The following RABGAP1L variants were observed in gnomAD, a reference collection of about 807,000 sequenced individuals.
The protein encoded by RABGAP1L is rab GTPase-activating protein 1-like.
A neutral mutation model predicts 137.7 loss-of-function variants in RABGAP1L; 63 were observed. The ratio of observed to expected loss-of-function variants is 0.46; its 90% CI spans 0.37 to 0.56. RABGAP1L has a LOEUF of 0.56. RABGAP1L is among the 20% of genes least tolerant of loss of function. The pLI is 0.00. For missense variants in RABGAP1L, 1,095 were observed against 1,244.0 expected (o/e 0.88, Z 1.80); for synonymous variants, 431 against 433.7 (o/e 0.99, Z 0.08).
rs1343949847 is a variant in RABGAP1L, at chr1:174,622,465, C to T, written c.1711-14910C>T. The stretch of plus-strand genomic sequence containing the variant: ...ACTTGGAACCAACCCAAATGTCCAA[C>T]AATGATAGACTGGATTAAGAAAATG... On this transcript the variant is annotated intron_variant, in intron 13 of 25. Transcript: ENST00000681986. Among the ~76,000 whole-genome samples, 5 of 152,274 alleles carry T rather than the reference C, an allele frequency of 3.3e-5. No individual in the cohort carries two copies. The South Asian group carries it at 6.2e-4, about 19-fold the overall frequency.
chr1:174,699,981 A>C (rs1235572905), intron 16 of RABGAP1L, among the ~76,000 whole-genome samples: 1 of 152,208 alleles, frequency 6.6e-6, no homozygotes, highest in East Asian at 1.9e-4. Flanking sequence ...AATACCTAAG[A>C]GCTTTCTGCA....
intron 13 of RABGAP1L, among the ~76,000 whole-genome samples, chr1:174,485,971 A>G (rs1342142482): frequency 6.6e-6 from 1 of 152,024 alleles, no homozygotes; most frequent in African/African-American, 2.4e-5. Context: ...CAGGTCCTGG[A>G]CTTTTCTTTG....
At position 174,268,292 on chromosome 1, in the gene RABGAP1L, C is replaced by T. The variant is rs561094878; in HGVS notation, c.987-4122C>T. ...TCGGCTCACTGTAAGCTCTGCCTCC[C>T]GGGTTCACGCCATTCTCCTGCCTCA... is the stretch of plus-strand genomic sequence containing the variant. On this transcript the variant is annotated intron_variant, in intron 7 of 25. Transcript: ENST00000681986. 5.9e-5 allele frequency among the ~76,000 whole-genome samples: 9 copies of T among 151,582 alleles called. No individual in the cohort carries two copies. The East Asian group carries it at 1.2e-3, about 20-fold the overall frequency.
At chr1:174,188,064 A>AT (rs762778829) in intron 1 of RABGAP1L, among the ~76,000 whole-genome samples, 1 of 152,180 alleles carries the variant, frequency 6.6e-6, no homozygotes, top group Non-Finnish European at 1.5e-5. Context: ...ATGACCAGAA[A>AT]TTCTCTGATA....
At chr1:174,268,326 G>A (rs1674255390) in intron 7 of RABGAP1L, among the ~76,000 whole-genome samples, 1 of 150,710 alleles carries the variant, frequency 6.6e-6, no homozygotes, top group Admixed American at 6.6e-5. Context: ...CAGCCTCCTC[G>A]GTAGCTGGGA....
intron 12 of RABGAP1L, among the ~76,000 whole-genome samples, chr1:174,391,020 A>G (rs930589111): frequency 6.6e-5 from 10 of 152,190 alleles, no homozygotes; most frequent in Non-Finnish European, 1.2e-4. Flanking sequence ...GCAATCAACA[A>G]TGGAGTTTGT....
intron 11 of RABGAP1L, among the ~76,000 whole-genome samples, chr1:174,333,467 GTAAAA>G (rs1558140899): frequency 1.3e-5 from 2 of 152,242 alleles, no homozygotes; most frequent in South Asian, 4.1e-4. Flanking sequence ...ACAAAAATAA[GTAAAA>G]TAAAAATGCG....
chr1:174,724,165 A>G (rs1385327738), intron 17 of RABGAP1L, among the ~76,000 whole-genome samples: 1 of 152,216 alleles, frequency 6.6e-6, no homozygotes, highest in Admixed American at 6.5e-5. Flanking sequence ...GAGGGATCAT[A>G]TATAGTTAAA....
At chr1:174,241,123 T>C (rs1276176284) in intron 4 of RABGAP1L, among the ~76,000 whole-genome samples, 1 of 152,080 alleles carries the variant, frequency 6.6e-6, no homozygotes, top group Non-Finnish European at 1.5e-5. Context: ...AGTTCAAGGC[T>C]AGCCTGGCTA....
chr1:174,452,083 T>G (rs1042138773), intron 13 of RABGAP1L, among the ~76,000 whole-genome samples: 1 of 152,198 alleles, frequency 6.6e-6, no homozygotes, highest in African/African-American at 2.4e-5. Flanking sequence ...TTTAATGTGT[T>G]TGTATAATAA....
chr1:174,873,569 A>G (rs922539999), intron 19 of RABGAP1L, among the ~76,000 whole-genome samples: 1 of 146,828 alleles, frequency 6.8e-6, no homozygotes, highest in Non-Finnish European at 1.5e-5. Flanking sequence ...GCTGGAGTGC[A>G]GTGGCACAAT....
chr1:174,777,084 T>C (rs1483152005), intron 18 of RABGAP1L, among the ~76,000 whole-genome samples: 1 of 152,244 alleles, frequency 6.6e-6, no homozygotes, highest in Non-Finnish European at 1.5e-5. Flanking sequence ...ACCTTGATCT[T>C]TACTCAGCCA....
At chr1:174,485,169 A>G (rs1224761670) in intron 13 of RABGAP1L, among the ~76,000 whole-genome samples, 2 of 152,028 alleles carry the variant, frequency 1.3e-5, no homozygotes, top group Admixed American at 1.3e-4. Flanking sequence ...TGTTATAAAA[A>G]TGGTTTTTGT....
At chr1:174,601,993 C>A (rs1670451779) in intron 13 of RABGAP1L, among the ~76,000 whole-genome samples, 3 of 152,276 alleles carry the variant, frequency 2.0e-5, no homozygotes, top group Admixed American at 2.0e-4. Context: ...CACTCTCAGG[C>A]TTTTGGTCAA....
At chr1:174,593,200 TC>T (rs1669730732) in intron 13 of RABGAP1L, among the ~76,000 whole-genome samples, 1 of 80,424 alleles carries the variant, frequency 1.2e-5, no homozygotes, top group Non-Finnish European at 2.2e-5. Flanking sequence ...TGTGGTGATA[TC>T]CCCTTTATCA....
chr1:174,282,214 A>G (rs1012358797), intron 10 of RABGAP1L, among the ~76,000 whole-genome samples: 1 of 152,188 alleles, frequency 6.6e-6, no homozygotes, highest in Non-Finnish European at 1.5e-5. Context: ...AAACTGCCAA[A>G]CTGTTTTCTA....
chr1:174,650,147 C>T (rs941523210), intron 14 of RABGAP1L, among the ~76,000 whole-genome samples: 15 of 152,026 alleles, frequency 9.9e-5, no homozygotes, highest in African/African-American at 2.7e-4. Context: ...TATTGATTTA[C>T]GTATATTGAA....
chr1:174,416,736 A>G (rs1650638171), intron 13 of RABGAP1L, among the ~76,000 whole-genome samples: 1 of 152,140 alleles, frequency 6.6e-6, no homozygotes, highest in African/African-American at 2.4e-5. Context: ...TTGACTTACT[A>G]GTTTATTTGG....
At chr1:174,431,440 A>G (rs1652617304) in intron 13 of RABGAP1L, among the ~76,000 whole-genome samples, 1 of 152,138 alleles carries the variant, frequency 6.6e-6, no homozygotes, top group Non-Finnish European at 1.5e-5. Flanking sequence ...TGTTATTTTT[A>G]AGTGTATTTT....
Sources: allele counts gnomAD v4.1 joint callset (sites outside exome capture counted in the v4.1 genomes callset), GRCh38; gene constraint gnomAD v4.1.1; transcripts MANE v1.5; gene names NCBI Gene and HGNC (gene_info 2026-07-23, HGNC 2026-07-21).